Variants in UFD1 observed in about 807,000 individuals in gnomAD.
The protein encoded by UFD1 is ubiquitin recognition factor in ER associated degradation 1.
UFD1 carries 13 observed loss-of-function variants against 45.9 expected under a neutral mutation model. The ratio of observed to expected loss-of-function variants is 0.28; its 90% CI spans 0.18 to 0.45. UFD1 has a LOEUF of 0.45. Ranked by LOEUF, UFD1 falls within the 20% of genes least tolerant of loss-of-function variation. UFD1 has a pLI of 1.00. For synonymous variants in UFD1, 128 were observed against 139.2 expected (o/e 0.92, Z 0.56); for missense variants, 218 against 389.2 (o/e 0.56, Z 3.70).
intron 10 of UFD1, 143 bp from the exon 11 acceptor site, chr22:19,454,973 G>A: frequency 1.0e-6 from 1 of 953,202 alleles, no homozygotes; most frequent in Non-Finnish European, 1.5e-6. Flanking sequence ...CCTCCCAGGA[G>A]GGAAGCAGAA....
At chr22:19,462,241 C>G (rs1341721428) in intron 6 of UFD1, among the ~76,000 whole-genome samples, 2 of 152,080 alleles carry the variant, frequency 1.3e-5, no homozygotes, top group Admixed American at 6.5e-5. Context: ...CTTAAGTGAT[C>G]CACCCACCTC....
chr22:19,454,222 A>G (rs2089704975), intron 11 of UFD1: 1 of 992,974 alleles, frequency 1.0e-6, no homozygotes, highest in East Asian at 1.1e-4. Flanking sequence ...TACACCCTAC[A>G]CCAGCTCTAC....
chr22:19,456,748 G>A (rs2089726444), intron 8 of UFD1, 105 bp downstream of exon 8: 2 of 1,613,158 alleles, frequency 1.2e-6, no homozygotes, highest in Admixed American at 3.3e-5. Context: ...GGGACGCAGA[G>A]GATATGACTA....
chr22:19,471,428 G>C, intron 4 of UFD1: 1 of 726,170 alleles, frequency 1.4e-6, no homozygotes, highest in East Asian at 2.7e-5. Flanking sequence ...AATCACAGAT[G>C]AACAGTTCAG....
chr22:19,454,706 TCTC>T lies in UFD1; in HGVS notation c.849+40_849+42del, dbSNP rs758761200. ...ACTTCAGTCATCACTAGCAAATAAA[TCTC>T]CTCATTACCAACCAAGGAAATACAA... On this transcript the variant is annotated intron_variant, in intron 11 of 11. Coordinates refer to ENST00000263202, the MANE Select transcript of UFD1 (RefSeq NM_005659.7). The T allele has an allele frequency of 3.8e-5, 61 of 1,613,184 alleles. 2 individuals carry two copies. The highest frequency in any genetic ancestry group is 2.8e-4 in the African/African-American group (21 of 74,954).
Position 19,465,202 on chromosome 22 carries a change from CT to C in UFD1, c.494del (p.Lys165ArgfsTer7). On this transcript the variant is annotated frameshift_variant and splice_region_variant, in exon 6 of 12. Transcript: ENST00000263202. LOFTEE classifies it high-confidence loss of function. ...GDVIAINYNE[K>X]IYELRVMETK... ...AATGACCTGCATGAACTGGGCTCAC[CT>C]TTTCATTATAGTTGATGGCAATCAC... is the stretch of plus-strand genomic sequence containing the variant. The C allele has an allele frequency of 6.2e-7, 1 of 1,614,120 alleles. No individual in the cohort carries two copies. The highest frequency in any genetic ancestry group is 1.6e-4 in the Middle Eastern group (1 of 6,062).
chr22:19,479,189 G>T lies in UFD1; in HGVS notation c.-104C>A, dbSNP rs188938675. The T allele has an allele frequency of 2.5e-6, 4 of 1,575,150 alleles. No homozygotes were observed. The highest frequency in any genetic ancestry group is 3.4e-6 in the Non-Finnish European group (4 of 1,161,096). ...GCTGCCGCTGCCGCCGCGCCAAGCC[G>T]GTACGCCCCAGAGGCTCACCGGAAG... On this transcript the variant is annotated 5_prime_UTR_variant, in exon 1 of 12. Coordinates refer to ENST00000263202, the MANE Select transcript of UFD1 (RefSeq NM_005659.7).
At chr22:19,454,518 TG>T (rs2089707671) in intron 11 of UFD1, 2 of 929,684 alleles carry the variant, frequency 2.2e-6, no homozygotes, top group South Asian at 1.8e-5. Context: ...CTACCATCCA[TG>T]TAAGATGTGA....
chr22:19,453,046 T>G, intron 11 of UFD1: 3 of 985,126 alleles, frequency 3.0e-6, no homozygotes, highest in South Asian at 4.7e-5. Context: ...ATTATTTAGA[T>G]GCTGGAATGG....
intron 6 of UFD1, among the ~76,000 whole-genome samples, chr22:19,462,662 A>G (rs894986920): frequency 1.3e-5 from 2 of 151,206 alleles, no homozygotes; most frequent in African/African-American, 4.9e-5. Flanking sequence ...ACAAAGAGAG[A>G]CTCTCTCAAA....
In UFD1 at chr22:19,468,082, G is replaced by A. The variant is rs5748222; in HGVS notation, c.292-79C>T. The A allele has an allele frequency of 0.031, 48,447 of 1,553,378 alleles. 1,541 individuals carry two copies. The highest frequency in any genetic ancestry group is 0.11 in the East Asian group (4,832 of 44,028). The stretch of plus-strand genomic sequence containing the variant: ...ACCACTGCTCCCTATACACTGGGCA[G>A]GCCCGTCTTACTTGGGTCCTTGGAA... On this transcript the variant is annotated intron_variant, in intron 4 of 11. Transcript: ENST00000263202.
At chr22:19,457,026 T>A in intron 7 of UFD1, 108 bp from the exon 8 acceptor site, 1 of 789,676 alleles carries the variant, frequency 1.3e-6, no homozygotes, top group Non-Finnish European at 2.2e-6. Context: ...TTTTAAGAAA[T>A]AATACAAAAG....
intron 7 of UFD1, 57 bp from the exon 8 acceptor site, chr22:19,456,975 TTTTTTG>T: frequency 2.5e-6 from 3 of 1,206,978 alleles, no homozygotes; most frequent in Non-Finnish European, 3.6e-6. Context: ...CTTGGCTTCC[TTTTTTG>T]TTTTTAATTG....
chr22:19,455,546 G>A (rs73383655), intron 10 of UFD1, 134 bp downstream of exon 10: 2 of 755,598 alleles, frequency 2.6e-6, no homozygotes, highest in African/African-American at 3.5e-5. Flanking sequence ...ACCAAGGAGA[G>A]CAGCTAAGGG....
At chr22:19,469,791 GAAGA>G (rs1568900850) in intron 4 of UFD1, 3 of 452,012 alleles carry the variant, frequency 6.6e-6, no homozygotes, top group Non-Finnish European at 1.3e-5. Flanking sequence ...CAGCTCAGGG[GAAGA>G]GGTGGCCTGA....
At chr22:19,470,596 C>T (rs1202916240) in intron 4 of UFD1, 1 of 378,286 alleles carries the variant, frequency 2.6e-6, no homozygotes, top group African/African-American at 2.1e-5. Context: ...CACGTGCCAC[C>T]ACACCCGGCT....
intron 1 of UFD1, chr22:19,478,809 G>T: frequency 2.0e-6 from 1 of 509,282 alleles, no homozygotes; most frequent in Non-Finnish European, 3.4e-6. Flanking sequence ...TGGGAAACCC[G>T]TGAATGGACA....
At chr22:19,467,076 G>A (rs2089807599) in intron 5 of UFD1, 1 of 151,972 alleles carries the variant, frequency 6.6e-6, no homozygotes, top group Non-Finnish European at 1.5e-5. Flanking sequence ...GCAGTGCCTT[G>A]CTCCTAAGAA....
intron 1 of UFD1, chr22:19,478,629 C>A (rs1167239116): frequency 1.3e-5 from 3 of 232,156 alleles, no homozygotes; most frequent in African/African-American, 7.0e-5. Flanking sequence ...TTCGAAGGCA[C>A]GAACCCGTAG....
Sources: allele counts gnomAD v4.1 joint callset (sites outside exome capture counted in the v4.1 genomes callset), GRCh38; gene constraint gnomAD v4.1.1; transcripts MANE v1.5; gene names NCBI Gene and HGNC (gene_info 2026-07-23, HGNC 2026-07-21).